Variants in STAC observed in about 807,000 individuals in gnomAD.
STAC encodes the protein SH3 and cysteine rich domain.
Under a neutral mutation model 48.8 loss-of-function variants are expected in STAC, and 43 were observed. That is an observed-to-expected ratio of 0.88 (90% CI 0.69 to 1.14). The LOEUF is 1.14. Ranked by LOEUF, STAC falls within the 50% of genes most tolerant of loss-of-function variation. STAC has a pLI of 0.00. For missense variants in STAC, 497 were observed against 504.0 expected (o/e 0.99, Z 0.13); for synonymous variants, 193 against 179.5 (o/e 1.07, Z -0.60).
At chr3:36,536,584 C>A (rs1311819681) in intron 10 of STAC, among the ~76,000 whole-genome samples, 1 of 151,746 alleles carries the variant, frequency 6.6e-6, no homozygotes, top group Non-Finnish European at 1.5e-5. Context: ...ACACCTTATA[C>A]AAAAATTAAC....
chr3:36,544,368 C>T (rs1457865305), intron 10 of STAC, among the ~76,000 whole-genome samples: 4 of 152,058 alleles, frequency 2.6e-5, no homozygotes, highest in African/African-American at 4.8e-5. Context: ...TGGGGTTTCA[C>T]GACATTGGCC....
intron 1 of STAC, among the ~76,000 whole-genome samples, chr3:36,391,972 G>GATATC (rs1699759473): frequency 6.6e-6 from 1 of 152,120 alleles, no homozygotes; most frequent in Non-Finnish European, 1.5e-5. Context: ...CCTCCAAACT[G>GATATC]ATATCAGGGG....
intron 10 of STAC, among the ~76,000 whole-genome samples, chr3:36,541,547 A>G (rs950987775): frequency 3.3e-5 from 5 of 152,234 alleles, no homozygotes; most frequent in African/African-American, 1.2e-4. Flanking sequence ...TGTAGAGGAC[A>G]TGGATGTGTG....
chr3:36,512,563 A>G (rs1227856942), intron 8 of STAC, among the ~76,000 whole-genome samples: 1 of 152,136 alleles, frequency 6.6e-6, no homozygotes, highest in African/African-American at 2.4e-5. Context: ...AGAAAAAAAA[A>G]AGAATGTTAC....
In STAC at chr3:36,546,563, C is replaced by G. The variant is rs1216457451; in HGVS notation, c.*274C>G. ...TGGCAGCAGCAGTAGGACTATAAAC[C>G]ACAGCTGTCCCCCAGGATCCCACTC... On this transcript the variant is annotated 3_prime_UTR_variant, in exon 11 of 11. Transcript: ENST00000273183. 2.0e-6 allele frequency: 1 copy of G among 505,492 alleles called. No homozygotes were observed. Among genetic ancestry groups the G allele is most frequent in the African/African-American group, 1.9e-5 (1 of 52,450 alleles). The allele number at this position is 505,492 out of a possible 1,614,324, so 31.3% of individuals were successfully genotyped here.
intron 8 of STAC, among the ~76,000 whole-genome samples, chr3:36,508,826 G>A (rs1698467550): frequency 6.6e-6 from 1 of 151,928 alleles, no homozygotes; most frequent in Non-Finnish European, 1.5e-5. Context: ...ACATGAGATG[G>A]GTCTCCTGAA....
intron 6 of STAC, among the ~76,000 whole-genome samples, chr3:36,499,821 T>C (rs1283852460): frequency 1.3e-5 from 2 of 151,858 alleles, no homozygotes; most frequent in Non-Finnish European, 2.9e-5. Context: ...TAAATAACTT[T>C]TCAGACATAG....
At chr3:36,518,402 AT>A in intron 8 of STAC, among the ~76,000 whole-genome samples, 1 of 152,148 alleles carries the variant, frequency 6.6e-6, no homozygotes, top group Middle Eastern at 3.4e-3. Context: ...GATAATGGCC[AT>A]TTTTCATAAG....
intron 7 of STAC, among the ~76,000 whole-genome samples, chr3:36,504,694 G>C (rs1698358328): frequency 6.6e-6 from 1 of 152,036 alleles, no homozygotes; most frequent in Non-Finnish European, 1.5e-5. Context: ...ATAATGTGTA[G>C]ATTATAGAAT....
At chr3:36,423,866 C>A (rs544253039) in intron 1 of STAC, among the ~76,000 whole-genome samples, 1 of 152,234 alleles carries the variant, frequency 6.6e-6, no homozygotes, top group Non-Finnish European at 1.5e-5. Flanking sequence ...ACTTGAAGCT[C>A]CCTTCCTCCT....
At chr3:36,463,506 T>A (rs980450002) in intron 2 of STAC, among the ~76,000 whole-genome samples, 2 of 148,034 alleles carry the variant, frequency 1.4e-5, no homozygotes, top group African/African-American at 4.9e-5. Flanking sequence ...TTTTGGTAGT[T>A]TTTCTTTTTT....
intron 10 of STAC, among the ~76,000 whole-genome samples, chr3:36,537,870 A>G (rs1360396118): frequency 2.0e-5 from 3 of 152,102 alleles, no homozygotes; most frequent in Non-Finnish European, 4.4e-5. Flanking sequence ...CCTCCTGAAA[A>G]AAAATTATTT....
chr3:36,385,202 CT>C (rs1699591034), intron 1 of STAC, among the ~76,000 whole-genome samples: 1 of 152,062 alleles, frequency 6.6e-6, no homozygotes, highest in Non-Finnish European at 1.5e-5. Flanking sequence ...CGTAGTCTTC[CT>C]ATACTTTTAA....
At chr3:36,466,541 T>A (rs1697177429) in intron 2 of STAC, among the ~76,000 whole-genome samples, 1 of 152,208 alleles carries the variant, frequency 6.6e-6, no homozygotes, top group African/African-American at 2.4e-5. Context: ...GAACATGAGA[T>A]GTGTTTCCAT....
At chr3:36,533,500 T>G (rs1420304154) in intron 10 of STAC, among the ~76,000 whole-genome samples, 1 of 75,522 alleles carries the variant, frequency 1.3e-5, no homozygotes, top group African/African-American at 5.8e-5. Context: ...TTTTTTTTTT[T>G]TTCAGAATAA....
At chr3:36,500,081 G>A (rs946943846) in intron 6 of STAC, among the ~76,000 whole-genome samples, 8 of 152,148 alleles carry the variant, frequency 5.3e-5, no homozygotes, top group African/African-American at 1.9e-4. Flanking sequence ...ATTTTAAGAT[G>A]CCTCTCAGTT....
intron 1 of STAC, among the ~76,000 whole-genome samples, chr3:36,427,220 T>C (rs1700586873): frequency 6.6e-6 from 1 of 152,240 alleles, no homozygotes; most frequent in South Asian, 2.1e-4. Flanking sequence ...TTCTCCATGC[T>C]TTTGGGGCTA....
chr3:36,382,253 G>A (rs1171113109), intron 1 of STAC, among the ~76,000 whole-genome samples: 1 of 152,202 alleles, frequency 6.6e-6, no homozygotes, highest in Non-Finnish European at 1.5e-5. Flanking sequence ...AATGAATGTA[G>A]CTGAACTCAA....
At chr3:36,417,660 A>G (rs1464045153) in intron 1 of STAC, among the ~76,000 whole-genome samples, 2 of 152,152 alleles carry the variant, frequency 1.3e-5, no homozygotes, top group African/African-American at 4.8e-5. Context: ...TAGAATGTGG[A>G]TGTTTCTATA....
Sources: allele counts gnomAD v4.1 joint callset (sites outside exome capture counted in the v4.1 genomes callset), GRCh38; gene constraint gnomAD v4.1.1; transcripts MANE v1.5; gene names NCBI Gene and HGNC (gene_info 2026-07-23, HGNC 2026-07-21).